The following BABAM2 variants were observed in gnomAD, a reference collection of about 807,000 sequenced individuals.
BABAM2 encodes the protein BRISC and BRCA1 A complex member 2, also known as BRISC and BRCA1-A complex member 2.
In BABAM2, 31 loss-of-function variants were observed where a neutral mutation model predicts 54.7. The observed-to-expected ratio is 0.57, with a 90% CI of 0.43 to 0.77. The LOEUF is 0.77. BABAM2 is among the 30% of genes least tolerant of loss of function. The pLI is 0.00. For missense variants in BABAM2, 364 were observed against 455.8 expected (o/e 0.80, Z 1.83); for synonymous variants, 167 against 162.9 (o/e 1.03, Z -0.19).
intron 3 of BABAM2, among the ~76,000 whole-genome samples, chr2:27,984,092 A>G (rs888405800): frequency 2.0e-5 from 3 of 151,772 alleles, no homozygotes; most frequent in Non-Finnish European, 4.4e-5. Flanking sequence ...TTCCTTTGTG[A>G]ACTTGAAAAT....
chr2:28,294,545 T>TA (rs1687533437), intron 10 of BABAM2, among the ~76,000 whole-genome samples: 1 of 152,304 alleles, frequency 6.6e-6, no homozygotes, highest in Admixed American at 6.5e-5. Context: ...AATCATGAGT[T>TA]AACCTATAGG....
chr2:28,011,905 G>T (rs1187134618), intron 4 of BABAM2, among the ~76,000 whole-genome samples: 1 of 152,172 alleles, frequency 6.6e-6, no homozygotes, highest in Non-Finnish European at 1.5e-5. Flanking sequence ...CCAGCAAAGG[G>T]TCACTAAGCT....
At chr2:28,309,510 TGTCCAGCATAAG>T (rs1027558648) in intron 11 of BABAM2, 2 of 152,430 alleles carry the variant, frequency 1.3e-5, no homozygotes, top group Admixed American at 1.3e-4. Context: ...GTCAGTGAAT[TGTCCAGCATAAG>T]GTCTGGCATA....
At chr2:27,892,925 G>T (rs1011552308) in intron 1 of BABAM2, among the ~76,000 whole-genome samples, 2 of 152,080 alleles carry the variant, frequency 1.3e-5, no homozygotes, top group African/African-American at 4.8e-5. Flanking sequence ...AGATACTTCT[G>T]GTTGTCATCA....
intron 10 of BABAM2, among the ~76,000 whole-genome samples, chr2:28,252,746 A>C (rs753707878): frequency 2.0e-5 from 3 of 152,192 alleles, no homozygotes; most frequent in African/African-American, 4.8e-5. Context: ...TCATGCAATG[A>C]ATTTTTCCCC....
intron 7 of BABAM2, among the ~76,000 whole-genome samples, chr2:28,140,581 A>T (rs1021693804): frequency 2.4e-4 from 36 of 152,332 alleles, no homozygotes; most frequent in Admixed American, 1.8e-3. Flanking sequence ...TAGGGATAGA[A>T]GTAATACTTT....
intron 6 of BABAM2, among the ~76,000 whole-genome samples, chr2:28,093,202 C>T (rs528219324): frequency 6.6e-6 from 1 of 152,116 alleles, no homozygotes; most frequent in Non-Finnish European, 1.5e-5. Flanking sequence ...CTCATCCCAA[C>T]AATTCCATGT....
chr2:27,985,982 G>C lies in BABAM2; in HGVS notation c.206-2011G>C, dbSNP rs186209506. ...TGTGTGTTCTGGATTTATTAGGGTA[G>C]GCTTCATACAAGAGACAATTTAGTG... On this transcript the variant is annotated intron_variant, in intron 3 of 11. Coordinates refer to ENST00000379624, the MANE Select transcript of BABAM2 (RefSeq NM_199191.3). 4.6e-4 allele frequency among the ~76,000 whole-genome samples: 70 copies of C among 152,248 alleles called. 1 individual carries two copies. In the East Asian group the frequency reaches 6.7e-3, roughly 15 times the overall value.
chr2:28,201,993 C>G (rs188397149), intron 7 of BABAM2, among the ~76,000 whole-genome samples: 14 of 152,188 alleles, frequency 9.2e-5, no homozygotes, highest in Admixed American at 5.9e-4. Context: ...CCCAGTTGGC[C>G]AGGGGAACAA....
chr2:28,112,147 T>TTCTTTCCTTCCTTCCTTCCC lies in BABAM2; in HGVS notation c.571-17123_571-17122insCTTTCCTTCCTTCCTTCCCT, dbSNP rs1558346715. On this transcript the variant is annotated intron_variant, in intron 6 of 11. Coordinates refer to ENST00000379624, the MANE Select transcript of BABAM2 (RefSeq NM_199191.3). The stretch of plus-strand genomic sequence containing the variant: ...TTTCTTTCTTTCTTTCTTTCTTTCT[T>TTCTTTCCTTCCTTCCTTCCC]TACCTCCCTCCCTCCCTCCCTCCCT... Among the ~76,000 whole-genome samples, 2 of 5,240 alleles carry TTCTTTCCTTCCTTCCTTCCC rather than the reference T, an allele frequency of 3.8e-4. 1 individual carries two copies. Among genetic ancestry groups the TTCTTTCCTTCCTTCCTTCCC allele is most frequent in the Non-Finnish European group, 6.3e-4 (2 of 3,156 alleles). 3.4% of individuals were successfully genotyped at this position (5,240 alleles called of 152,430 possible).
chr2:28,335,225 G>A (rs577510277), intron 11 of BABAM2, among the ~76,000 whole-genome samples: 9 of 142,366 alleles, frequency 6.3e-5, no homozygotes, highest in African/African-American at 2.1e-4. Context: ...GTGCCATGGT[G>A]CGGACGTGAT....
intron 4 of BABAM2, among the ~76,000 whole-genome samples, chr2:28,006,433 T>C (rs1673983648): frequency 6.6e-6 from 1 of 152,104 alleles, no homozygotes; most frequent in Non-Finnish European, 1.5e-5. Flanking sequence ...TAATTGTATA[T>C]AATGCTTGAC....
At chr2:28,315,959 T>C (rs1407415113) in intron 11 of BABAM2, among the ~76,000 whole-genome samples, 1 of 152,176 alleles carries the variant, frequency 6.6e-6, no homozygotes, top group Non-Finnish European at 1.5e-5. Flanking sequence ...GCTTGGGTTC[T>C]TTCACCCCTT....
At chr2:28,103,246 C>T (rs374681801) in intron 6 of BABAM2, among the ~76,000 whole-genome samples, 9 of 151,978 alleles carry the variant, frequency 5.9e-5, no homozygotes, top group Non-Finnish European at 1.2e-4. Flanking sequence ...TGATATTCAA[C>T]GTGTCCTACT....
rs1335397017 is a variant in BABAM2, at chr2:28,322,959, A to G, written c.1089-15491A>G. 6.6e-6 allele frequency among the ~76,000 whole-genome samples: 1 copy of G among 152,252 alleles called. No homozygotes were observed. The highest frequency in any genetic ancestry group is 1.9e-4 in the East Asian group (1 of 5,206). ...CCCACATACCTCTGAGCAGAAAAGA[A>G]AGCCAGCCCAAGGCAGGAATTTTGC... On this transcript the variant is annotated intron_variant, in intron 11 of 11. Coordinates refer to ENST00000379624, the MANE Select transcript of BABAM2 (RefSeq NM_199191.3). This position sits in a 1 kb window ranked among gnomAD's most constrained non-coding sequence, Gnocchi z 4.1.
intron 4 of BABAM2, among the ~76,000 whole-genome samples, chr2:28,021,435 G>C (rs1001015075): frequency 2.6e-5 from 4 of 152,142 alleles, no homozygotes; most frequent in African/African-American, 9.7e-5. Context: ...ATATAGGCTG[G>C]AGGGAGACTT....
chr2:28,179,213 C>T (rs560227159), intron 7 of BABAM2, among the ~76,000 whole-genome samples: 30 of 152,180 alleles, frequency 2.0e-4, no homozygotes, highest in African/African-American at 7.0e-4. Context: ...TAGTGATGAA[C>T]ACAGACATAA....
Position 27,993,604 on chromosome 2 carries a change from G to A in BABAM2, c.300+5517G>A, listed in dbSNP as rs1009950819. Among the ~76,000 whole-genome samples the A allele has an allele frequency of 3.9e-5, 6 of 152,096 alleles. 1 individual carries two copies. The highest frequency in any genetic ancestry group is 3.9e-4 in the Admixed American group (6 of 15,278). ...TGAAGTTGCATAAAGGAGGAAGGGT[G>A]GATCATAAATTTAAATGAGAAAAGC... is the stretch of plus-strand genomic sequence containing the variant. On this transcript the variant is annotated intron_variant, in intron 4 of 11. Coordinates refer to ENST00000379624, the MANE Select transcript of BABAM2 (RefSeq NM_199191.3).
chr2:28,105,570 C>G (rs114680781), intron 6 of BABAM2, among the ~76,000 whole-genome samples: 1 of 152,154 alleles, frequency 6.6e-6, no homozygotes, highest in Non-Finnish European at 1.5e-5. Flanking sequence ...TTTGCTTAAT[C>G]TCCTTGAGAA....
Sources: gnomAD v4.1 joint callset for allele counts (sites outside exome capture counted in the v4.1 genomes callset) on GRCh38, gnomAD v4.1.1 for gene constraint, Gnocchi (gnomAD v3.1) non-coding constraint, MANE v1.5 for transcripts, NCBI Gene and HGNC (gene_info 2026-07-23, HGNC 2026-07-21) for gene names.